The following ANKRD6 variants were observed in gnomAD, a reference collection of about 807,000 sequenced individuals.
ANKRD6 encodes the protein ankyrin repeat domain-containing protein 6.
Under a neutral mutation model 82.3 loss-of-function variants are expected in ANKRD6, and 56 were observed. The observed-to-expected ratio is 0.68, with a 90% confidence interval of 0.55 to 0.85. ANKRD6 has a LOEUF of 0.85. ANKRD6 is among the 40% of genes least tolerant of loss of function. ANKRD6 has a pLI of 0.00. For synonymous variants in ANKRD6, 347 were observed against 352.1 expected (o/e 0.99, Z 0.16); for missense variants, 852 against 907.6 (o/e 0.94, Z 0.79).
intron 1 of ANKRD6, among the ~76,000 whole-genome samples, chr6:89,552,207 G>A (rs1200806099): frequency 3.3e-5 from 5 of 152,232 alleles, no homozygotes; most frequent in African/African-American, 1.2e-4. Flanking sequence ...ACTTCAGACA[G>A]GGTATTCTTG....
chr6:89,535,704 T>G (rs776909499), intron 1 of ANKRD6, among the ~76,000 whole-genome samples: 31 of 152,204 alleles, frequency 2.0e-4, no homozygotes, highest in Non-Finnish European at 4.0e-4. Flanking sequence ...ACAACAGCAC[T>G]TGACCTGTCC....
chr6:89,572,664 G>GTT lies in ANKRD6; in HGVS notation c.120+5572_120+5573dup, dbSNP rs139568079. Among the ~76,000 whole-genome samples, 1,151 of 152,228 alleles carry GTT rather than the reference G, an allele frequency of 7.6e-3. 25 individuals carry two copies. The highest frequency in any genetic ancestry group is 0.026 in the African/African-American group (1,091 of 41,548). On this transcript the variant is annotated intron_variant, in intron 2 of 15. Coordinates refer to ENST00000339746, the MANE Select transcript of ANKRD6 (RefSeq NM_001242809.2). ...TTATAGATTTGGATCTTATATTTAG[G>GTT]TTTTTATTCCATTTCGAGTTAATTT...
At chr6:89,610,560 A>G (rs1177167351) in intron 5 of ANKRD6, among the ~76,000 whole-genome samples, 1 of 152,164 alleles carries the variant, frequency 6.6e-6, no homozygotes, top group Non-Finnish European at 1.5e-5. Context: ...TATTGGCAAT[A>G]TAAGCTTTGG....
chr6:89,473,165 C>T (rs1775668793), intron 1 of ANKRD6, among the ~76,000 whole-genome samples: 1 of 152,032 alleles, frequency 6.6e-6, no homozygotes, highest in Admixed American at 6.5e-5. Context: ...AATCCCAGCA[C>T]TTTGGGAGGC....
intron 2 of ANKRD6, among the ~76,000 whole-genome samples, chr6:89,567,638 G>A (rs1232268702): frequency 6.6e-6 from 1 of 152,210 alleles, no homozygotes; most frequent in African/African-American, 2.4e-5. Context: ...GACCATACTG[G>A]CCAAAGGCAG....
intron 8 of ANKRD6, 80 bp downstream of exon 8, chr6:89,616,737 C>A: frequency 3.0e-6 from 4 of 1,354,688 alleles, no homozygotes; most frequent in Non-Finnish European, 4.2e-6. Flanking sequence ...CCCCTGCAGA[C>A]CCCCAGGCCC....
intron 1 of ANKRD6, among the ~76,000 whole-genome samples, chr6:89,546,188 G>A (rs1785074491): frequency 6.6e-6 from 1 of 152,142 alleles, no homozygotes; most frequent in Admixed American, 6.5e-5. Context: ...GAGAAGTTAA[G>A]CAGCTTCTTC....
chr6:89,608,964 C>T (rs2128205908), intron 5 of ANKRD6, among the ~76,000 whole-genome samples: 1 of 152,326 alleles, frequency 6.6e-6, no homozygotes, highest in Middle Eastern at 3.4e-3. Flanking sequence ...GGCTCCTTTC[C>T]CCTAGAGCAC....
chr6:89,573,705 T>C (rs1790469942), intron 2 of ANKRD6, among the ~76,000 whole-genome samples: 1 of 152,232 alleles, frequency 6.6e-6, no homozygotes, highest in African/African-American at 2.4e-5. Context: ...CAATTTGGTA[T>C]AGAAACCTAG....
At chr6:89,513,587 TCA>T (rs1266119175) in intron 1 of ANKRD6, among the ~76,000 whole-genome samples, 1 of 152,256 alleles carries the variant, frequency 6.6e-6, no homozygotes, top group Non-Finnish European at 1.5e-5. Context: ...TGAACATATA[TCA>T]CAGTTTATCC....
chr6:89,600,762 A>G (rs1796951671), intron 3 of ANKRD6, among the ~76,000 whole-genome samples: 2 of 152,130 alleles, frequency 1.3e-5, no homozygotes, highest in Non-Finnish European at 2.9e-5. Context: ...GGGGCCAGGC[A>G]CGGTGGCTCG....
intron 1 of ANKRD6, among the ~76,000 whole-genome samples, chr6:89,560,465 G>C (rs574596075): frequency 9.2e-5 from 14 of 152,318 alleles, no homozygotes; most frequent in Admixed American, 5.9e-4. Flanking sequence ...AGTCACACTG[G>C]GGGTGTGGGC....
intron 1 of ANKRD6, among the ~76,000 whole-genome samples, chr6:89,483,171 G>A (rs1049887687): frequency 6.6e-6 from 1 of 152,178 alleles, no homozygotes; most frequent in African/African-American, 2.4e-5. Flanking sequence ...TCCCAGCACA[G>A]TGTCCTTGGA....
intron 2 of ANKRD6, among the ~76,000 whole-genome samples, chr6:89,580,400 G>C (rs576058289): frequency 6.6e-6 from 1 of 152,164 alleles, no homozygotes; most frequent in East Asian, 1.9e-4. Context: ...AATGCAAAGA[G>C]TTCAATTGTA....
At chr6:89,566,286 C>CA (rs1211477173) in intron 1 of ANKRD6, among the ~76,000 whole-genome samples, 1 of 152,230 alleles carries the variant, frequency 6.6e-6, no homozygotes, top group East Asian at 1.9e-4. Flanking sequence ...TCGTGAACTA[C>CA]ACTATTTACG....
intron 2 of ANKRD6, among the ~76,000 whole-genome samples, chr6:89,574,534 A>G (rs1393357193): frequency 1.3e-5 from 2 of 152,214 alleles, no homozygotes; most frequent in African/African-American, 4.8e-5. Flanking sequence ...GTGCCTAGCA[A>G]GGTACTCACA....
chr6:89,465,472 C>T (rs556133423), intron 1 of ANKRD6, among the ~76,000 whole-genome samples: 5 of 151,938 alleles, frequency 3.3e-5, no homozygotes, highest in Non-Finnish European at 7.4e-5. Flanking sequence ...AGAAATCAGG[C>T]TCTGGAGGCA....
chr6:89,554,446 C>CTT (rs11484125), intron 1 of ANKRD6, among the ~76,000 whole-genome samples: 38,878 of 149,476 alleles, frequency 0.26, 5,192 homozygotes, highest in South Asian at 0.5. Context: ...TTAATCACGT[C>CTT]TTTTTTTTTT....
intron 1 of ANKRD6, among the ~76,000 whole-genome samples, chr6:89,544,668 T>G (rs572376178): frequency 6.6e-6 from 1 of 150,936 alleles, no homozygotes. Flanking sequence ...GAGCCAAGAT[T>G]GTGCCACTGC....
Sources: gnomAD v4.1 joint callset for allele counts (sites outside exome capture counted in the v4.1 genomes callset) on GRCh38, gnomAD v4.1.1 for gene constraint, MANE v1.5 for transcripts, NCBI Gene and HGNC (gene_info 2026-07-23, HGNC 2026-07-21) for gene names.